The following IL34 variants were observed in gnomAD, a reference collection of about 807,000 sequenced individuals.
The protein encoded by IL34 is interleukin-34.
Under a neutral mutation model 25.3 loss-of-function variants are expected in IL34, and 17 were observed. The ratio of observed to expected loss-of-function variants is 0.67; its 90% CI spans 0.46 to 1.01. The LOEUF (loss-of-function observed/expected upper bound fraction) is 1.01, where lower values mean the gene tolerates loss of function less well. Ranked by LOEUF, IL34 falls within the 50% of genes least tolerant of loss-of-function variation. The pLI is 0.00. For synonymous variants in IL34, 174 were observed against 140.9 expected, an observed-to-expected ratio of 1.23 and a Z score of -1.66; for missense variants, 368 against 312.9, an observed-to-expected ratio of 1.18 and a Z score of -1.33.
chr16:70,640,627 A>T (rs964430050), intron 1 of IL34, among the ~76,000 whole-genome samples: 5 of 33,742 alleles, frequency 1.5e-4, no homozygotes, highest in South Asian at 1.5e-3. Flanking sequence ...CCGTCTCAAT[A>T]AAAAAAAAAA....
chr16:70,601,148 G>A (rs1325276059), intron 1 of IL34, among the ~76,000 whole-genome samples: 1 of 151,828 alleles, frequency 6.6e-6, no homozygotes, highest in Non-Finnish European at 1.5e-5. Context: ...AGGAGGTGAG[G>A]GTGCCCTACT....
rs960187774 is a variant in IL34, at chr16:70,628,138, G to A, written c.-400-18410G>A. 1.3e-5 allele frequency among the ~76,000 whole-genome samples: 2 copies of A among 152,064 alleles called. 1 individual carries two copies. The highest frequency in any genetic ancestry group is 4.8e-5 in the African/African-American group (2 of 41,376). ...TCTTTTTAATTTTATTCACTCTAGG[G>A]TGTGTGTGTAGTGGTAATTAATTGT... is the stretch of plus-strand genomic sequence containing the variant. On this transcript the variant is annotated intron_variant, in intron 1 of 6. Transcript: ENST00000429149.
intron 1 of IL34, among the ~76,000 whole-genome samples, chr16:70,650,095 A>T (rs1317123960): frequency 6.6e-6 from 1 of 152,178 alleles, no homozygotes; most frequent in Non-Finnish European, 1.5e-5. Flanking sequence ...CTCCGTGCCC[A>T]GCCTGTGTTG....
At chr16:70,606,988 G>A (rs933071202) in intron 1 of IL34, among the ~76,000 whole-genome samples, 1 of 152,078 alleles carries the variant, frequency 6.6e-6, no homozygotes, top group Non-Finnish European at 1.5e-5. Context: ...CCAGCTTTTG[G>A]TGCTAGTCTG....
At chr16:70,601,194 A>G (rs2050911338) in intron 1 of IL34, among the ~76,000 whole-genome samples, 2 of 152,168 alleles carry the variant, frequency 1.3e-5, no homozygotes, top group African/African-American at 4.8e-5. Flanking sequence ...GCATGGATTC[A>G]GCATTCCTCC....
chr16:70,617,550 C>T lies in IL34; in HGVS notation c.-400-28998C>T, dbSNP rs1024855173. On this transcript the variant is annotated intron_variant, in intron 1 of 6. Coordinates refer to the IL34 transcript ENST00000429149. ...GAGACTGGGGCCTAATAAAAAGGAG[C>T]GTCTATACAGGAGCTTAAATGGGCT... Among the ~76,000 whole-genome samples the T allele has an allele frequency of 5.3e-5, 8 of 152,228 alleles. No homozygotes were observed. The East Asian group carries it at 5.8e-4, about 11-fold the overall frequency.
At chr16:70,637,051 G>A (rs1381541966) in intron 1 of IL34, among the ~76,000 whole-genome samples, 1 of 151,674 alleles carries the variant, frequency 6.6e-6, no homozygotes, top group Non-Finnish European at 1.5e-5. Context: ...TAGTAGAGAC[G>A]GGGTTTTACT....
intron 1 of IL34, among the ~76,000 whole-genome samples, chr16:70,637,332 C>G (rs1012758063): frequency 2.3e-4 from 35 of 151,602 alleles, no homozygotes; most frequent in African/African-American, 8.2e-4. Context: ...ACAATTAATT[C>G]TATGGTCCAT....
rs538363125 is a variant in IL34 at position 70,610,985 on chromosome 16, G to A, written c.-401+30936G>A. 8.0e-4 allele frequency among the ~76,000 whole-genome samples: 121 copies of A among 151,778 alleles called. 1 individual carries two copies. The highest frequency in any genetic ancestry group is 2.7e-3 in the African/African-American group (110 of 41,330). ...TTCTTCTTTCTTTCTTCTTTTTGTT[G>A]TTGTTTGAGACAGGGTCTTGCTCTG... On this transcript the variant is annotated intron_variant, in intron 1 of 6. Transcript: ENST00000429149.
intron 4 of IL34, among the ~76,000 whole-genome samples, chr16:70,657,955 C>T (rs1298879974): frequency 1.3e-5 from 2 of 152,146 alleles, no homozygotes; most frequent in Non-Finnish European, 2.9e-5. Context: ...AGAAATTGAT[C>T]TGAGGCCTCA....
At chr16:70,609,706 T>C (rs946958817) in intron 1 of IL34, among the ~76,000 whole-genome samples, 5 of 152,210 alleles carry the variant, frequency 3.3e-5, no homozygotes, top group Non-Finnish European at 7.4e-5. Flanking sequence ...GGTAGGGATT[T>C]ATCCTGCCTT....
intron 1 of IL34, among the ~76,000 whole-genome samples, chr16:70,650,486 C>A (rs767898295): frequency 6.6e-6 from 1 of 152,018 alleles, no homozygotes; most frequent in Non-Finnish European, 1.5e-5. Flanking sequence ...TCCCCAGGGC[C>A]CCAGAACGGG....
intron 1 of IL34, among the ~76,000 whole-genome samples, chr16:70,629,559 C>G (rs1048661043): frequency 1.3e-5 from 2 of 152,094 alleles, no homozygotes; most frequent in African/African-American, 4.8e-5. Flanking sequence ...TTAAAATTAT[C>G]TCTAAATTAC....
At chr16:70,584,474 A>T (rs970858985) in intron 1 of IL34, among the ~76,000 whole-genome samples, 3 of 152,064 alleles carry the variant, frequency 2.0e-5, no homozygotes, top group African/African-American at 7.2e-5. Context: ...AAGACTTCCA[A>T]TGTGGACTTC....
At chr16:70,596,103 G>A (rs567508682) in intron 1 of IL34, among the ~76,000 whole-genome samples, 2 of 152,194 alleles carry the variant, frequency 1.3e-5, no homozygotes, top group Admixed American at 6.5e-5. Context: ...AGATCAAGGC[G>A]CTGACAGATT....
intron 1 of IL34, among the ~76,000 whole-genome samples, chr16:70,614,541 C>T (rs2051145675): frequency 6.6e-6 from 1 of 152,218 alleles, no homozygotes; most frequent in Non-Finnish European, 1.5e-5. Context: ...AGCTGTGGTG[C>T]AGCTGCTGAA....
At chr16:70,602,583 A>ATGTGTGTGTGTGTGTGTG (rs3058045) in intron 1 of IL34, among the ~76,000 whole-genome samples, 25 of 135,040 alleles carry the variant, frequency 1.9e-4, no homozygotes, top group African/African-American at 6.1e-4. Context: ...TTTGGAATTG[A>ATGTGTGTGTGTGTGTGTG]TGTGTGTGTG....
rs991226322 is a variant in IL34 at position 70,657,245 on chromosome 16, G to A, written c.402+124G>A. The A allele has an allele frequency of 5.9e-6, 6 of 1,008,436 alleles. No homozygotes were observed. In the African/African-American group the frequency reaches 6.5e-5, roughly 11 times the overall value. 62.5% of individuals were successfully genotyped at this position (1,008,436 alleles called of 1,614,324 possible). ...ATACACGGAAAGATGGGCACAAGCA[G>A]AGGGACGTGGGAGAAGTGGGGGAGG... On this transcript the variant is annotated intron_variant, in intron 4 of 5. Coordinates refer to ENST00000288098, the MANE Select transcript of IL34 (RefSeq NM_001393494.1).
chr16:70,647,063 C>G, intron 1 of IL34, 88 bp downstream of exon 1: 6 of 1,192,882 alleles, frequency 5.0e-6, no homozygotes, highest in Non-Finnish European at 6.7e-6. Context: ...CCAGGGCATT[C>G]TTGCTGGTGA....
Sources: gnomAD v4.1 joint callset for allele counts (sites outside exome capture counted in the v4.1 genomes callset) on GRCh38, gnomAD v4.1.1 for gene constraint, MANE v1.5 for transcripts, NCBI Gene and HGNC (gene_info 2026-07-23, HGNC 2026-07-21) for gene names.